Variants in TUSC3 observed in about 807,000 individuals in gnomAD.
TUSC3 encodes the protein tumor suppressor candidate 3.
A neutral mutation model predicts 44.8 loss-of-function variants in TUSC3; 45 were observed. The observed-to-expected ratio is 1.00, with a 90% confidence interval of 0.79 to 1.29. The LOEUF is 1.29. TUSC3 is among the 50% of genes most tolerant of loss of function. The pLI, the probability that TUSC3 is intolerant of heterozygous loss-of-function variation, is 0.00. For synonymous variants in TUSC3, 212 were observed against 152.9 expected (o/e 1.39, Z -2.85); for missense variants, 519 against 437.9 (o/e 1.19, Z -1.65).
In TUSC3 at chr8:15,512,885, T is replaced by TAC. The variant is rs1554508682; in HGVS notation, n.189+29408_189+29409dup. Among the ~76,000 whole-genome samples, 63 of 142,838 alleles carry TAC rather than the reference T, an allele frequency of 4.4e-4. 2 individuals are homozygous for TAC. The highest frequency in any genetic ancestry group is 1.5e-3 in the African/African-American group (58 of 37,974). 93.7% of individuals were successfully genotyped at this position (142,838 alleles called of 152,430 possible). On this transcript the variant is annotated intron_variant and non_coding_transcript_variant, in intron 2 of 5. Coordinates refer to the TUSC3 transcript ENST00000503191. ...ATATATGTGTGTGTATATATATATATACACACAATTCTCTCGGTGTATATA... is the reference window on the plus strand; with the variant it reads ...ATATATGTGTGTGTATATATATATATACACACACAATTCTCTCGGTGTATATA...
At chr8:15,668,830 A>G (rs1374512446) in intron 5 of TUSC3, among the ~76,000 whole-genome samples, 1 of 151,746 alleles carries the variant, frequency 6.6e-6, no homozygotes, top group African/African-American at 2.4e-5. Flanking sequence ...TGCTGTATGA[A>G]ACTTTAGATA....
intron 1 of TUSC3, among the ~76,000 whole-genome samples, chr8:15,560,388 G>A (rs1357292875): frequency 7.1e-6 from 1 of 141,150 alleles, no homozygotes; most frequent in Non-Finnish European, 1.6e-5. Flanking sequence ...TAGTCTGATG[G>A]GCTTCCCTTT....
the TUSC3 span, among the ~76,000 whole-genome samples, chr8:15,829,906 C>T: frequency 6.6e-6 from 1 of 152,104 alleles, no homozygotes; most frequent in African/African-American, 2.4e-5. Context: ...TTTATATTCC[C>T]ACCAGCAGTG....
chr8:15,493,200 C>G (rs1305307230), intron 2 of TUSC3, among the ~76,000 whole-genome samples: 1 of 152,172 alleles, frequency 6.6e-6, no homozygotes, highest in Non-Finnish European at 1.5e-5. Context: ...CCACCCTGGT[C>G]TCTGATGTTT....
At chr8:15,833,951 G>C in the TUSC3 span, among the ~76,000 whole-genome samples, 2 of 151,864 alleles carry the variant, frequency 1.3e-5, no homozygotes, top group African/African-American at 4.8e-5. Context: ...TTCCACTGTA[G>C]TCTGAAAATC....
At chr8:15,782,878 A>G in the TUSC3 span, among the ~76,000 whole-genome samples, 1 of 152,230 alleles carries the variant, frequency 6.6e-6, no homozygotes, top group South Asian at 2.1e-4. Flanking sequence ...TTCTAGCCAG[A>G]GTAATGAGTC....
At chr8:15,417,930 T>C (rs1799679065) in intron 1 of TUSC3, among the ~76,000 whole-genome samples, 1 of 152,202 alleles carries the variant, frequency 6.6e-6, no homozygotes, top group South Asian at 2.1e-4. Flanking sequence ...TAATGAGATG[T>C]GGGAAAGTTC....
intron 9 of TUSC3, among the ~76,000 whole-genome samples, chr8:15,751,886 C>T (rs1010748463): frequency 2.6e-5 from 4 of 152,112 alleles, no homozygotes; most frequent in Non-Finnish European, 4.4e-5. Flanking sequence ...TGAATAGTTA[C>T]CCAGGTAAAT....
chr8:15,651,560 C>T (rs907751318), intron 3 of TUSC3, among the ~76,000 whole-genome samples: 3 of 152,126 alleles, frequency 2.0e-5, no homozygotes, highest in Non-Finnish European at 2.9e-5. Context: ...GACGAGGAAT[C>T]GGGAGCAGGA....
At chr8:15,788,955 G>T in the TUSC3 span, among the ~76,000 whole-genome samples, 1 of 152,154 alleles carries the variant, frequency 6.6e-6, no homozygotes, top group Admixed American at 6.5e-5. Flanking sequence ...GGAAAATTAA[G>T]CAGATGGCAT....
chr8:15,422,269 C>A (rs776284951), intron 1 of TUSC3, among the ~76,000 whole-genome samples: 1 of 152,148 alleles, frequency 6.6e-6, no homozygotes, highest in Non-Finnish European at 1.5e-5. Context: ...TTTCTCAGCA[C>A]TTCTGTTGGT....
the TUSC3 span, among the ~76,000 whole-genome samples, chr8:15,824,383 A>C: frequency 6.6e-6 from 1 of 152,172 alleles, no homozygotes; most frequent in Admixed American, 6.5e-5. Flanking sequence ...TGATGGGCTT[A>C]ATATATACAA....
At chr8:15,773,433 TGAAA>T in the TUSC3 span, among the ~76,000 whole-genome samples, 2,841 of 152,136 alleles carry the variant, frequency 0.019, 32 homozygotes, top group Middle Eastern at 0.034. Flanking sequence ...AAAACATTGC[TGAAA>T]GAAGTTAAAA....
At chr8:15,662,076 A>C in intron 4 of TUSC3, 80 bp from the exon 5 acceptor site, 1 of 1,527,434 alleles carries the variant, frequency 6.5e-7, no homozygotes, top group Non-Finnish European at 9.0e-7. Context: ...TTTGCGTTGA[A>C]AATTATGAGG....
intron 6 of TUSC3, among the ~76,000 whole-genome samples, chr8:15,729,404 G>GT (rs1810623410): frequency 6.6e-6 from 1 of 152,026 alleles, no homozygotes; most frequent in Admixed American, 6.6e-5. Context: ...AACAAGTTAG[G>GT]TAAATTTTTC....
intron 1 of TUSC3, among the ~76,000 whole-genome samples, chr8:15,442,542 A>G (rs1800035154): frequency 6.6e-6 from 1 of 152,206 alleles, no homozygotes; most frequent in Non-Finnish European, 1.5e-5. Context: ...TAAAATACAC[A>G]TAAAAACATG....
intron 1 of TUSC3, among the ~76,000 whole-genome samples, chr8:15,582,442 T>C (rs929907562): frequency 2.6e-5 from 4 of 152,256 alleles, no homozygotes; most frequent in African/African-American, 9.6e-5. Flanking sequence ...ACCTTCATGC[T>C]ATAATGAAGG....
At chr8:15,626,007 C>T (rs569950927) in intron 2 of TUSC3, among the ~76,000 whole-genome samples, 2 of 152,290 alleles carry the variant, frequency 1.3e-5, no homozygotes, top group South Asian at 4.1e-4. Flanking sequence ...TCCGAAGAGG[C>T]CACTGCTATA....
At chr8:15,428,230 T>C (rs1799830142) in intron 1 of TUSC3, among the ~76,000 whole-genome samples, 1 of 151,064 alleles carries the variant, frequency 6.6e-6, no homozygotes, top group Non-Finnish European at 1.5e-5. Context: ...TTTGGTTTTT[T>C]GTCCTCACGA....
Sources: allele counts gnomAD v4.1 joint callset (sites outside exome capture counted in the v4.1 genomes callset), GRCh38; gene constraint gnomAD v4.1.1; transcripts MANE v1.5; gene names NCBI Gene and HGNC (gene_info 2026-07-23, HGNC 2026-07-21).